Variants in ZBTB20 observed in about 807,000 individuals in gnomAD.
The protein encoded by ZBTB20 is zinc finger and BTB domain containing 20.
A neutral mutation model predicts 56.9 loss-of-function variants in ZBTB20; 9 were observed. The ratio of observed to expected loss-of-function variants is 0.16; its 90% CI spans 0.10 to 0.28. The LOEUF (loss-of-function observed/expected upper bound fraction) is 0.28. ZBTB20 is among the 10% of genes least tolerant of loss of function. The pLI is 1.00. For synonymous variants in ZBTB20, 417 were observed against 420.7 expected (o/e 0.99, Z 0.11); for missense variants, 655 against 1,003.0 (o/e 0.65, Z 4.69).
rs752409699 is a variant in ZBTB20, at chr3:114,997,818, C to T, written c.-506-23402G>A. Among the ~76,000 whole-genome samples the T allele has an allele frequency of 2.6e-5, 4 of 151,728 alleles. No individual in the cohort carries two copies. In the South Asian group the frequency reaches 8.3e-4, roughly 31 times the overall value. On this transcript the variant is annotated intron_variant, in intron 2 of 11. Coordinates refer to ENST00000675478, the MANE Select transcript of ZBTB20 (RefSeq NM_001348800.3). ...CCACCCAGCTGACCCAGGATATTTA[C>T]AGATTTTATCTTGGGATGTTAAGCA...
At chr3:115,001,664 A>T (rs1000214013) in intron 2 of ZBTB20, among the ~76,000 whole-genome samples, 2 of 151,452 alleles carry the variant, frequency 1.3e-5, no homozygotes, top group Non-Finnish European at 3.0e-5. Context: ...AAAATTAAAT[A>T]AATTCTTCAT....
intron 3 of ZBTB20, among the ~76,000 whole-genome samples, chr3:114,906,249 T>C (rs1274385169): frequency 6.6e-6 from 1 of 151,826 alleles, no homozygotes; most frequent in Non-Finnish European, 1.5e-5. Context: ...CAAGAGACTA[T>C]AAAAGTAGGC....
intron 2 of ZBTB20, among the ~76,000 whole-genome samples, chr3:115,057,259 T>C (rs1221509278): frequency 6.6e-6 from 1 of 151,930 alleles, no homozygotes; most frequent in East Asian, 1.9e-4. Flanking sequence ...CATGTGTTCT[T>C]TATTTTTTTT....
intron 7 of ZBTB20, among the ~76,000 whole-genome samples, chr3:114,449,721 T>C (rs919140262): frequency 2.7e-5 from 4 of 148,954 alleles, no homozygotes; most frequent in African/African-American, 7.4e-5. Flanking sequence ...AAAAGATACA[T>C]GTGTTCCTTT....
chr3:114,725,824 GT>G (rs1459338178), intron 5 of ZBTB20, among the ~76,000 whole-genome samples: 1 of 152,160 alleles, frequency 6.6e-6, no homozygotes, highest in Non-Finnish European at 1.5e-5. Flanking sequence ...CATGAGAAAA[GT>G]TTTTCAGCAT....
chr3:115,042,920 C>A (rs931809329), intron 2 of ZBTB20, among the ~76,000 whole-genome samples: 1 of 152,180 alleles, frequency 6.6e-6, no homozygotes, highest in African/African-American at 2.4e-5. Flanking sequence ...GGACTAATAT[C>A]TTTGATCATA....
intron 6 of ZBTB20, among the ~76,000 whole-genome samples, chr3:114,672,949 T>A (rs562521066): frequency 2.2e-4 from 33 of 152,276 alleles, no homozygotes; most frequent in Admixed American, 3.3e-4. Context: ...AGAACCTCCA[T>A]GAGCTAGAAA....
chr3:114,951,994 A>G (rs2077081875), intron 3 of ZBTB20, among the ~76,000 whole-genome samples: 1 of 152,154 alleles, frequency 6.6e-6, no homozygotes, highest in South Asian at 2.1e-4. Flanking sequence ...AAAACAGTCA[A>G]TAAACTTTAA....
At chr3:114,526,106 G>T (rs757709679) in intron 6 of ZBTB20, among the ~76,000 whole-genome samples, 4 of 152,066 alleles carry the variant, frequency 2.6e-5, no homozygotes, top group Non-Finnish European at 4.4e-5. Context: ...TGTGGGATTT[G>T]TTTTTCCTTG....
At chr3:115,009,215 C>A (rs2108253155) in intron 2 of ZBTB20, among the ~76,000 whole-genome samples, 1 of 151,740 alleles carries the variant, frequency 6.6e-6, no homozygotes, top group South Asian at 2.1e-4. Context: ...ACAGTTATGT[C>A]ATCTCATTTG....
At chr3:114,511,610 C>A (rs944238303) in intron 6 of ZBTB20, among the ~76,000 whole-genome samples, 2 of 152,058 alleles carry the variant, frequency 1.3e-5, no homozygotes, top group African/African-American at 2.4e-5. Flanking sequence ...CACAGGAATT[C>A]TATAATTCTT....
At chr3:114,924,171 A>C (rs2076065169) in intron 3 of ZBTB20, among the ~76,000 whole-genome samples, 1 of 152,190 alleles carries the variant, frequency 6.6e-6, no homozygotes, top group Non-Finnish European at 1.5e-5. Flanking sequence ...TTAAAATAGA[A>C]TAATTATATG....
chr3:114,800,373 C>T (rs1332513653), intron 5 of ZBTB20, among the ~76,000 whole-genome samples: 3 of 151,860 alleles, frequency 2.0e-5, no homozygotes, highest in African/African-American at 7.2e-5. Context: ...GTTGAAATCC[C>T]AAATGTTAAT....
chr3:114,472,936 G>C (rs1225879401), intron 7 of ZBTB20, among the ~76,000 whole-genome samples: 1 of 152,208 alleles, frequency 6.6e-6, no homozygotes, highest in Non-Finnish European at 1.5e-5. Context: ...TCACCTGTTG[G>C]ACTGGAATCT....
chr3:114,736,887 A>G (rs2066205688), intron 5 of ZBTB20, among the ~76,000 whole-genome samples: 1 of 152,208 alleles, frequency 6.6e-6, no homozygotes, highest in Non-Finnish European at 1.5e-5. Flanking sequence ...TGGATAAGAC[A>G]GCAATACTGA....
chr3:114,393,037 C>G (rs1160395569), intron 7 of ZBTB20, among the ~76,000 whole-genome samples: 1 of 152,172 alleles, frequency 6.6e-6, no homozygotes, highest in Non-Finnish European at 1.5e-5. Flanking sequence ...TGTTACTCAC[C>G]AGAGGAAAAC....
At chr3:114,427,245 T>C (rs2089753560) in intron 7 of ZBTB20, among the ~76,000 whole-genome samples, 1 of 152,248 alleles carries the variant, frequency 6.6e-6, no homozygotes, top group African/African-American at 2.4e-5. Context: ...TAAAACTATA[T>C]TTTTAAAAAC....
At chr3:114,402,371 C>T (rs749507394) in intron 7 of ZBTB20, among the ~76,000 whole-genome samples, 1 of 151,822 alleles carries the variant, frequency 6.6e-6, no homozygotes, top group Non-Finnish European at 1.5e-5. Flanking sequence ...AAGAAGCAAA[C>T]AGGAGAAAGA....
rs528595876 is a variant in ZBTB20, at chr3:114,472,998, A to G, written c.-255+27354T>C. 4.3e-4 allele frequency among the ~76,000 whole-genome samples: 65 copies of G among 152,324 alleles called. No individual in the cohort carries two copies. The South Asian group carries it at 0.013, about 30-fold the overall frequency. On this transcript the variant is annotated intron_variant, in intron 7 of 11. Coordinates refer to ENST00000675478, the MANE Select transcript of ZBTB20 (RefSeq NM_001348800.3). ...ACCTGTGCTGAGTCTGCACAGAAGG[A>G]CTTCTGAAATGCTTATATATACAAC...
Sources: allele counts gnomAD v4.1 joint callset (sites outside exome capture counted in the v4.1 genomes callset), GRCh38; gene constraint gnomAD v4.1.1; transcripts MANE v1.5; gene names NCBI Gene and HGNC (gene_info 2026-07-23, HGNC 2026-07-21).